Variants in LINGO2 observed in about 807,000 individuals in gnomAD.
The protein encoded by LINGO2 is leucine-rich repeat and immunoglobulin-like domain-containing nogo receptor-interacting protein 2.
Under a neutral mutation model 30.6 loss-of-function variants are expected in LINGO2, and 14 were observed. The ratio of observed to expected loss-of-function variants is 0.46; its 90% CI spans 0.30 to 0.72. The LOEUF is 0.72. LINGO2 is among the 30% of genes least tolerant of loss of function. The pLI, the probability that LINGO2 is intolerant of heterozygous loss-of-function variation, is 0.07. For synonymous variants in LINGO2, 317 were observed against 288.5 expected (o/e 1.10, Z -1.00); for missense variants, 729 against 751.7 (o/e 0.97, Z 0.35).
the LINGO2 span, among the ~76,000 whole-genome samples, chr9:29,049,335 G>A: frequency 7.6e-4 from 115 of 152,248 alleles, 2 homozygotes; most frequent in East Asian, 0.016. Flanking sequence ...GGGAGGAAGT[G>A]GAAGAGGGAA....
the LINGO2 span, among the ~76,000 whole-genome samples, chr9:28,723,409 CT>C: frequency 2.0e-5 from 3 of 152,118 alleles, no homozygotes; most frequent in African/African-American, 7.2e-5. Flanking sequence ...ATGATACCAG[CT>C]TTGTTGTACA....
At chr9:29,141,555 A>C in the LINGO2 span, among the ~76,000 whole-genome samples, 37,079 of 151,780 alleles carry the variant, frequency 0.24, 4,709 homozygotes, top group East Asian at 0.44. Flanking sequence ...TCCTGTCAGT[A>C]ATTACTTGAA....
intron 1 of LINGO2, among the ~76,000 whole-genome samples, chr9:28,567,836 G>A (rs1823463873): frequency 6.7e-6 from 1 of 149,558 alleles, no homozygotes; most frequent in African/African-American, 2.5e-5. Flanking sequence ...TTTATAAGGA[G>A]CTGTTAAATA....
At chr9:28,495,097 T>A (rs1204817382) in intron 1 of LINGO2, among the ~76,000 whole-genome samples, 20 of 152,254 alleles carry the variant, frequency 1.3e-4, no homozygotes, top group East Asian at 1.2e-3. Context: ...GTTTGAGTCC[T>A]TTGTAGATTC....
intron 1 of LINGO2, among the ~76,000 whole-genome samples, chr9:28,633,545 A>C (rs1827102136): frequency 6.6e-6 from 1 of 152,208 alleles, no homozygotes. Context: ...ATTGCACTTA[A>C]ATAATTTATG....
the LINGO2 span, among the ~76,000 whole-genome samples, chr9:29,118,438 A>T: frequency 2.0e-5 from 3 of 152,196 alleles, no homozygotes; most frequent in Admixed American, 2.0e-4. Flanking sequence ...AAGGTGGCAG[A>T]AGAGGAGGTC....
intron 2 of LINGO2, among the ~76,000 whole-genome samples, chr9:28,413,756 T>G (rs1321304264): frequency 6.6e-6 from 1 of 152,104 alleles, no homozygotes; most frequent in Non-Finnish European, 1.5e-5. Flanking sequence ...TGATCCTTTC[T>G]GCTTCACATA....
At chr9:27,977,653 A>C (rs1820664431) in intron 5 of LINGO2, among the ~76,000 whole-genome samples, 2 of 152,088 alleles carry the variant, frequency 1.3e-5, no homozygotes, top group Middle Eastern at 3.4e-3. Flanking sequence ...ACACATGTTA[A>C]ATATTTTACT....
At chr9:27,987,689 G>A (rs1821190783) in intron 5 of LINGO2, among the ~76,000 whole-genome samples, 4 of 151,884 alleles carry the variant, frequency 2.6e-5, no homozygotes, top group African/African-American at 9.7e-5. Flanking sequence ...CCTTGTAAGT[G>A]AATGCTATTG....
chr9:28,398,882 T>G (rs1397408137), intron 2 of LINGO2, among the ~76,000 whole-genome samples: 1 of 152,170 alleles, frequency 6.6e-6, no homozygotes, highest in Admixed American at 6.5e-5. Context: ...TAACCCCTTT[T>G]CGTCTTACAT....
chr9:28,183,159 A>G (rs1819418066), intron 4 of LINGO2, among the ~76,000 whole-genome samples: 1 of 152,182 alleles, frequency 6.6e-6, no homozygotes, highest in African/African-American at 2.4e-5. Flanking sequence ...TTGCAGGGAC[A>G]TGGATGAAGC....
chr9:28,912,528 GAC>G, the LINGO2 span, among the ~76,000 whole-genome samples: 4 of 152,104 alleles, frequency 2.6e-5, no homozygotes, highest in African/African-American at 9.7e-5. Context: ...GAAGATATGT[GAC>G]AGTTGCCCAT....
intron 4 of LINGO2, among the ~76,000 whole-genome samples, chr9:28,262,375 A>C (rs1822594859): frequency 6.6e-6 from 1 of 151,996 alleles, no homozygotes; most frequent in African/African-American, 2.4e-5. Flanking sequence ...AGAGAAGAGA[A>C]ATGAGTCAGA....
chr9:28,467,752 T>C (rs758590891), intron 2 of LINGO2, among the ~76,000 whole-genome samples: 2 of 152,158 alleles, frequency 1.3e-5, no homozygotes, highest in Non-Finnish European at 1.5e-5. Context: ...ATTGGGGTCA[T>C]AGATTGCAAA....
At chr9:29,156,440 A>G in the LINGO2 span, among the ~76,000 whole-genome samples, 16 of 152,120 alleles carry the variant, frequency 1.1e-4, no homozygotes, top group African/African-American at 3.1e-4. Context: ...AGGCAAGAAA[A>G]TAAGATAAAA....
the LINGO2 span, among the ~76,000 whole-genome samples, chr9:29,114,109 G>T: frequency 5.4e-5 from 8 of 147,176 alleles, no homozygotes; most frequent in East Asian, 6.4e-4. Context: ...GGCTTTTTCT[G>T]ACTTTTTTGG....
chr9:27,988,395 T>A (rs936228578), intron 5 of LINGO2, among the ~76,000 whole-genome samples: 7 of 152,034 alleles, frequency 4.6e-5, no homozygotes, highest in African/African-American at 1.7e-4. Flanking sequence ...CAATGGTATT[T>A]CTAGTTCTAG....
intron 3 of LINGO2, among the ~76,000 whole-genome samples, chr9:28,356,618 G>C (rs1284689125): frequency 6.6e-6 from 1 of 152,116 alleles, no homozygotes; most frequent in East Asian, 1.9e-4. Context: ...AAACGTTTCA[G>C]TTGTAAGGAA....
At chr9:29,038,533 T>C in the LINGO2 span, among the ~76,000 whole-genome samples, 1 of 152,016 alleles carries the variant, frequency 6.6e-6, no homozygotes, top group Non-Finnish European at 1.5e-5. Context: ...CAGAATTTGC[T>C]GATATAGCAT....
Sources: gnomAD v4.1 joint callset for allele counts (sites outside exome capture counted in the v4.1 genomes callset) on GRCh38, gnomAD v4.1.1 for gene constraint, MANE v1.5 for transcripts, NCBI Gene and HGNC (gene_info 2026-07-23, HGNC 2026-07-21) for gene names.